BICRAL: variants seen among roughly 807,000 people sequenced by gnomAD.
BICRAL encodes BRD4-interacting chromatin-remodeling complex-associated protein-like.
In BICRAL, 8 loss-of-function variants were observed where a neutral mutation model predicts 91.8. The observed-to-expected ratio is 0.09, with a 90% confidence interval of 0.05 to 0.16. The LOEUF is 0.16. BICRAL is among the 10% of genes least tolerant of loss of function. The pLI, the probability that BICRAL is intolerant of heterozygous loss-of-function variation, is 1.00. For missense variants in BICRAL, 1,038 were observed against 1,310.9 expected (o/e 0.79, Z 3.21); for synonymous variants, 445 against 491.1 (o/e 0.91, Z 1.24).
chr6:42,782,191 C>G (rs2113859075), intron 1 of BICRAL, 90 bp downstream of exon 1: 1 of 150,834 alleles, frequency 6.6e-6, no homozygotes, highest in African/African-American at 2.4e-5. Flanking sequence ...TGCCTCTTTC[C>G]TTCGGGGAGG....
intron 1 of BICRAL, among the ~76,000 whole-genome samples, chr6:42,747,231 G>A (rs1274036089): frequency 6.6e-6 from 1 of 152,228 alleles, no homozygotes; most frequent in Non-Finnish European, 1.5e-5. Context: ...AGCGGGCAGG[G>A]CGAGAACCCG....
At chr6:42,811,446 C>T (rs957357922) in intron 2 of BICRAL, among the ~76,000 whole-genome samples, 18 of 152,178 alleles carry the variant, frequency 1.2e-4, no homozygotes, top group Admixed American at 7.9e-4. Context: ...CATGGTGAAA[C>T]CCCGTCCCTA....
At chr6:42,812,175 G>C (rs902889202) in intron 2 of BICRAL, among the ~76,000 whole-genome samples, 3 of 151,960 alleles carry the variant, frequency 2.0e-5, no homozygotes, top group Non-Finnish European at 2.9e-5. Flanking sequence ...CATTTTTTTT[G>C]TTGGCCAGAT....
At chr6:42,782,327 G>GTT (rs1290370929) in intron 1 of BICRAL, among the ~76,000 whole-genome samples, 13 of 59,546 alleles carry the variant, frequency 2.2e-4, no homozygotes, top group Admixed American at 7.7e-4. Context: ...CTAAGGCTGT[G>GTT]TTTTTTTTTT....
intron 2 of BICRAL, among the ~76,000 whole-genome samples, chr6:42,816,743 G>C (rs1048129930): frequency 6.6e-6 from 1 of 152,160 alleles, no homozygotes; most frequent in Non-Finnish European, 1.5e-5. Flanking sequence ...AGCCGGGCGT[G>C]GTGGCTCACG....
intron 1 of BICRAL, among the ~76,000 whole-genome samples, chr6:42,805,818 G>A (rs764523430): frequency 2.6e-5 from 4 of 152,030 alleles, no homozygotes; most frequent in Non-Finnish European, 4.4e-5. Flanking sequence ...TGGCTAACAC[G>A]ATGAAACCCC....
intron 1 of BICRAL, among the ~76,000 whole-genome samples, chr6:42,769,233 G>T (rs1240279368): frequency 6.6e-6 from 1 of 152,216 alleles, no homozygotes; most frequent in Non-Finnish European, 1.5e-5. Context: ...AAGCTCACCC[G>T]TGAGGCGGTC....
At chr6:42,748,076 T>C (rs1465991356) in intron 1 of BICRAL, among the ~76,000 whole-genome samples, 1 of 151,402 alleles carries the variant, frequency 6.6e-6, no homozygotes, top group Non-Finnish European at 1.5e-5. Context: ...AGTGCCGGGA[T>C]TACAGGCATG....
intron 1 of BICRAL, among the ~76,000 whole-genome samples, chr6:42,767,189 G>A (rs1762649347): frequency 6.6e-6 from 1 of 152,024 alleles, no homozygotes; most frequent in African/African-American, 2.4e-5. Flanking sequence ...AGAGAGGAAT[G>A]TCAACTTAAT....
intron 1 of BICRAL, among the ~76,000 whole-genome samples, chr6:42,768,537 G>A (rs753927586): frequency 6.6e-6 from 1 of 152,184 alleles, no homozygotes; most frequent in African/African-American, 2.4e-5. Flanking sequence ...GCAAGAAAGT[G>A]AGCTTGCTCA....
chr6:42,815,984 CAA>C (rs746928245), intron 2 of BICRAL, among the ~76,000 whole-genome samples: 212 of 39,240 alleles, frequency 5.4e-3, no homozygotes, highest in African/African-American at 0.018. Context: ...AACTCTGTCT[CAA>C]AAAAAAAAAA....
At chr6:42,811,769 G>A (rs1763851654) in intron 2 of BICRAL, among the ~76,000 whole-genome samples, 1 of 152,094 alleles carries the variant, frequency 6.6e-6, no homozygotes, top group Non-Finnish European at 1.5e-5. Context: ...AACTTCCTAA[G>A]TTCTGGGAAG....
intron 1 of BICRAL, among the ~76,000 whole-genome samples, chr6:42,783,399 C>A (rs998360819): frequency 4.6e-5 from 7 of 152,168 alleles, no homozygotes; most frequent in Non-Finnish European, 8.8e-5. Context: ...TTCGCGCCCC[C>A]CCGAGTCGCC....
chr6:42,842,603 T>A (rs1342634102), intron 6 of BICRAL, among the ~76,000 whole-genome samples: 4 of 152,138 alleles, frequency 2.6e-5, no homozygotes, highest in African/African-American at 9.7e-5. Context: ...CCTGTTTAAA[T>A]TCTTCCCCTC....
rs769903909 is a variant in BICRAL, at chr6:42,864,771, G to A, written c.2565G>A (p.Pro855=). 32 of 1,614,016 alleles carry A rather than the reference G, an allele frequency of 2.0e-5. No homozygotes were observed. The highest frequency in any genetic ancestry group is 1.3e-4 in the South Asian group (12 of 91,082). The change falls in exon 13 of 13, where the codon CCG becomes CCA. Residue 855 remains proline (P), a synonymous_variant. Transcript: ENST00000314073. ...HGSKASSSLQ[P]PAKAQGRDRA... ...GTAAAGCAAGCAGCTCTCTGCAACC[G>A]CCAGCCAAGGCCCAAGGCAGAGACC... is the stretch of plus-strand genomic sequence containing the variant.
intron 1 of BICRAL, among the ~76,000 whole-genome samples, chr6:42,802,478 C>T (rs1254180086): frequency 6.6e-6 from 1 of 151,166 alleles, no homozygotes; most frequent in African/African-American, 2.4e-5. Flanking sequence ...GATGGAGTTT[C>T]GCCCTTGTTG....
At chr6:42,771,733 T>C in intron 1 of BICRAL, among the ~76,000 whole-genome samples, 1 of 152,168 alleles carries the variant, frequency 6.6e-6, no homozygotes, top group East Asian at 1.9e-4. Flanking sequence ...TTTTAAAAAT[T>C]GCTGTTAACT....
intron 1 of BICRAL, among the ~76,000 whole-genome samples, chr6:42,797,655 A>G (rs1055961974): frequency 6.6e-6 from 1 of 152,146 alleles, no homozygotes; most frequent in African/African-American, 2.4e-5. Flanking sequence ...TTTGGGTCTC[A>G]GCTATCACTG....
chr6:42,779,273 C>T (rs988264424), upstream of BICRAL, among the ~76,000 whole-genome samples: 7 of 134,554 alleles, frequency 5.2e-5, no homozygotes, highest in African/African-American at 1.7e-4. Flanking sequence ...CACACACACA[C>T]ATATCATTGG....
Sources: allele counts gnomAD v4.1 joint callset (sites outside exome capture counted in the v4.1 genomes callset), GRCh38; gene constraint gnomAD v4.1.1; transcripts MANE v1.5; gene names NCBI Gene and HGNC (gene_info 2026-07-23, HGNC 2026-07-21).